The following RDX variants were observed in gnomAD, a reference collection of about 807,000 sequenced individuals.
RDX encodes radixin.
A neutral mutation model predicts 83.7 loss-of-function variants in RDX; 32 were observed. The observed-to-expected ratio is 0.38, with a 90% CI of 0.29 to 0.51. RDX has a LOEUF of 0.51. RDX is among the 20% of genes least tolerant of loss of function. The pLI is 0.87. For missense variants in RDX, 600 were observed against 689.9 expected (o/e 0.87, Z 1.46); for synonymous variants, 229 against 222.7 (o/e 1.03, Z -0.25).
Position 110,286,211 on chromosome 11 carries a change from A to G in RDX, c.-64-6455T>C, listed in dbSNP as rs1011093131. Among the ~76,000 whole-genome samples, 13 of 152,268 alleles carry G rather than the reference A, an allele frequency of 8.5e-5. No homozygotes were observed. In the South Asian group the frequency reaches 2.3e-3, roughly 27 times the overall value. On this transcript the variant is annotated intron_variant, in intron 1 of 13. Coordinates refer to ENST00000645495, the MANE Select transcript of RDX (RefSeq NM_002906.4). The stretch of plus-strand genomic sequence containing the variant: ...AAAGCAATATATTGTGCTCTTTTCC[A>G]TACCTACTCCTTCAAAAGCAATAAA...
At chr11:110,267,432 G>A (rs1028280250) in intron 3 of RDX, among the ~76,000 whole-genome samples, 1 of 151,804 alleles carries the variant, frequency 6.6e-6, no homozygotes, top group South Asian at 2.1e-4. Context: ...AGAATTGCTT[G>A]AGCCCAGGAG....
At chr11:110,287,385 C>G (rs1861026233) in intron 1 of RDX, among the ~76,000 whole-genome samples, 1 of 152,112 alleles carries the variant, frequency 6.6e-6, no homozygotes, top group Non-Finnish European at 1.5e-5. Context: ...GACACAGTCT[C>G]TGGTACTGTA....
chr11:110,234,243 A>G (rs1343230992), intron 12 of RDX, among the ~76,000 whole-genome samples: 1 of 152,236 alleles, frequency 6.6e-6, no homozygotes. Context: ...GGTCAATGAC[A>G]CAAGGAAGTA....
chr11:110,187,958 C>A (rs1484209646), intron 15 of RDX, among the ~76,000 whole-genome samples: 1 of 152,176 alleles, frequency 6.6e-6, no homozygotes, highest in Non-Finnish European at 1.5e-5. Flanking sequence ...CAATATAAAA[C>A]CTGCCAACAG....
At chr11:110,220,390 C>A (rs1455019291) in intron 14 of RDX, among the ~76,000 whole-genome samples, 1 of 152,188 alleles carries the variant, frequency 6.6e-6, no homozygotes, top group African/African-American at 2.4e-5. Flanking sequence ...ACAACTCAGG[C>A]TCAAATGGCC....
chr11:110,276,958 A>G (rs1451480403), intron 2 of RDX, among the ~76,000 whole-genome samples: 1 of 152,228 alleles, frequency 6.6e-6, no homozygotes, highest in Non-Finnish European at 1.5e-5. Context: ...AGGTGATGCC[A>G]TAGACCTTGA....
intron 1 of RDX, among the ~76,000 whole-genome samples, chr11:110,291,391 G>A (rs548600115): frequency 1.8e-4 from 28 of 152,266 alleles, no homozygotes; most frequent in African/African-American, 6.5e-4. Context: ...AAAGAAAAAA[G>A]AAGTATCTAT....
chr11:110,236,334 T>C, intron 11 of RDX, 143 bp from the exon 12 acceptor site: 1 of 642,598 alleles, frequency 1.6e-6, no homozygotes, highest in Non-Finnish European at 2.7e-6. Context: ...TCTTAAGATC[T>C]TAAATAGCTT....
chr11:110,205,345 G>A (rs1863562078), intron 14 of RDX, among the ~76,000 whole-genome samples: 1 of 132,594 alleles, frequency 7.5e-6, no homozygotes, highest in South Asian at 2.4e-4. Flanking sequence ...CTTAAAACAA[G>A]ACACACACAA....
At chr11:110,179,902 T>C (rs905327934) in intron 15 of RDX, 2 of 389,074 alleles carry the variant, frequency 5.1e-6, no homozygotes, top group South Asian at 1.8e-5. Flanking sequence ...TTTTCTTTTT[T>C]CTTTTTTTTT....
chr11:110,240,988 G>A (rs186815781), intron 10 of RDX, among the ~76,000 whole-genome samples: 2,224 of 144,798 alleles, frequency 0.015, 60 homozygotes, highest in East Asian at 0.11. Flanking sequence ...CCCAGGAGGC[G>A]GAGGTTGCAG....
chr11:110,220,860 G>A (rs1864220157), intron 14 of RDX, among the ~76,000 whole-genome samples: 1 of 134,512 alleles, frequency 7.4e-6, no homozygotes, highest in South Asian at 2.3e-4. Flanking sequence ...GATAAAACCT[G>A]GATCTAAACA....
chr11:110,218,906 T>A (rs1166071994), intron 14 of RDX, among the ~76,000 whole-genome samples: 1 of 152,168 alleles, frequency 6.6e-6, no homozygotes, highest in Non-Finnish European at 1.5e-5. Flanking sequence ...AATAGGAGCA[T>A]CTATGGCATT....
chr11:110,254,374 T>C (rs962809364), intron 8 of RDX, among the ~76,000 whole-genome samples: 5 of 152,236 alleles, frequency 3.3e-5, no homozygotes, highest in Admixed American at 2.0e-4. Flanking sequence ...TATTCCTTTT[T>C]GTTCTCGAAA....
intron 14 of RDX, among the ~76,000 whole-genome samples, chr11:110,204,143 A>G (rs1316638172): frequency 6.6e-6 from 1 of 152,168 alleles, no homozygotes; most frequent in Admixed American, 6.5e-5. Flanking sequence ...ATGGATGGAG[A>G]AGACTGAAAA....
At chr11:110,280,561 T>C (rs1860719033) in intron 1 of RDX, among the ~76,000 whole-genome samples, 1 of 152,262 alleles carries the variant, frequency 6.6e-6, no homozygotes, top group South Asian at 2.1e-4. Context: ...TTTTTTCTTC[T>C]TGTAAATTTG....
chr11:110,256,294 G>C (rs1027459769), intron 7 of RDX, among the ~76,000 whole-genome samples: 1 of 152,126 alleles, frequency 6.6e-6, no homozygotes, highest in Non-Finnish European at 1.5e-5. Context: ...CAGCACAGCA[G>C]AGTCTTTTCT....
intron 15 of RDX, among the ~76,000 whole-genome samples, chr11:110,192,197 C>G (rs541770685): frequency 6.6e-6 from 1 of 152,216 alleles, no homozygotes; most frequent in South Asian, 2.1e-4. Context: ...ACACACAGAC[C>G]AATGGAACAC....
chr11:110,215,845 T>C (rs1434674710), intron 14 of RDX, among the ~76,000 whole-genome samples: 1 of 152,222 alleles, frequency 6.6e-6, no homozygotes, highest in African/African-American at 2.4e-5. Flanking sequence ...TACCTAGCTA[T>C]AAAATGGAAT....
Sources: allele counts gnomAD v4.1 joint callset (sites outside exome capture counted in the v4.1 genomes callset), GRCh38; gene constraint gnomAD v4.1.1; transcripts MANE v1.5; gene names NCBI Gene and HGNC (gene_info 2026-07-23, HGNC 2026-07-21).